The following CDH10 variants were observed in gnomAD, a reference collection of about 807,000 sequenced individuals.
CDH10 encodes cadherin 10, also known as cadherin-10.
Under a neutral mutation model 73.1 loss-of-function variants are expected in CDH10, and 30 were observed. The ratio of observed to expected loss-of-function variants is 0.41; its 90% confidence interval spans 0.31 to 0.56. The LOEUF (loss-of-function observed/expected upper bound fraction) is 0.56, where lower values mean the gene tolerates loss of function less well. CDH10 is among the 20% of genes least tolerant of loss of function. CDH10 has a pLI of 0.27. For synonymous variants in CDH10, 345 were observed against 348.2 expected, an observed-to-expected ratio of 0.99 and a Z score of 0.10; for missense variants, 815 against 973.7, an observed-to-expected ratio of 0.84 and a Z score of 2.17.
At position 24,491,651 on chromosome 5, in the gene CDH10, C is replaced by T. The variant is rs1242641853; in HGVS notation, c.1801G>A (p.Glu601Lys). Residue 601 changes from glutamate (E) to lysine (K), a missense_variant, in exon 11 of 12, where the codon GAA (glutamate) becomes AAA (lysine). Transcript: ENST00000264463. ...SQGNMQSCSA[E>K]ALLLPAGLST... ...AGGCCGGCAGGGAGGAGCAGGGCTT[C>T]AGCACTGCAGGATTGCATGTTGCCT... 6.2e-7 allele frequency: 1 copy of T among 1,612,642 alleles called. No homozygotes were observed. Among genetic ancestry groups the T allele is most frequent in the Non-Finnish European group, 8.5e-7 (1 of 1,178,820 alleles).
intron 9 of CDH10, among the ~76,000 whole-genome samples, chr5:24,494,792 T>C (rs923930295): frequency 1.3e-5 from 2 of 152,110 alleles, no homozygotes; most frequent in Non-Finnish European, 2.9e-5. Flanking sequence ...AGTTAATTTA[T>C]ACATTTTGAA....
At chr5:24,586,843 CTTTTT>C (rs1001227038) in intron 2 of CDH10, among the ~76,000 whole-genome samples, 11 of 102,776 alleles carry the variant, frequency 1.1e-4, no homozygotes, top group Non-Finnish European at 1.3e-4. Context: ...AGCCCATATT[CTTTTT>C]TTTTTTTTTT....
At chr5:24,638,071 G>C (rs1249059124) in intron 1 of CDH10, among the ~76,000 whole-genome samples, 4 of 151,624 alleles carry the variant, frequency 2.6e-5, no homozygotes, top group African/African-American at 9.7e-5. Context: ...TACTCTATAT[G>C]ATGGCAAATC....
chr5:24,555,150 T>G (rs1744721205), intron 2 of CDH10, among the ~76,000 whole-genome samples: 1 of 152,200 alleles, frequency 6.6e-6, no homozygotes, highest in African/African-American at 2.4e-5. Flanking sequence ...TACTCTTCTC[T>G]GACTTATTTC....
intron 1 of CDH10, among the ~76,000 whole-genome samples, chr5:24,623,894 T>G (rs961163066): frequency 5.3e-5 from 8 of 152,308 alleles, no homozygotes; most frequent in African/African-American, 1.4e-4. Flanking sequence ...CTCAAAACTT[T>G]TTTTTGTTTT....
At chr5:24,631,424 G>GA (rs1001698065) in intron 1 of CDH10, among the ~76,000 whole-genome samples, 14 of 151,868 alleles carry the variant, frequency 9.2e-5, no homozygotes, top group South Asian at 4.1e-4. Context: ...TAATTGTGGG[G>GA]AAAAAATCAA....
intron 2 of CDH10, among the ~76,000 whole-genome samples, chr5:24,577,388 T>C (rs141755745): frequency 1.3e-5 from 2 of 152,050 alleles, no homozygotes; most frequent in Non-Finnish European, 2.9e-5. Context: ...TAAAATATAG[T>C]TGTTCATTAA....
intron 1 of CDH10, among the ~76,000 whole-genome samples, chr5:24,594,196 A>G (rs953071386): frequency 1.3e-5 from 2 of 151,918 alleles, no homozygotes; most frequent in Non-Finnish European, 2.9e-5. Flanking sequence ...AGCCTGGGGA[A>G]CACCTAGAGT....
chr5:24,626,907 TAA>T (rs112451448), intron 1 of CDH10, among the ~76,000 whole-genome samples: 3,302 of 149,544 alleles, frequency 0.022, 112 homozygotes, highest in African/African-American at 0.077. Flanking sequence ...TGTGTATATA[TAA>T]GTGTATATAT....
chr5:24,635,016 AAC>A (rs1747823025), intron 1 of CDH10, among the ~76,000 whole-genome samples: 1 of 151,668 alleles, frequency 6.6e-6, no homozygotes, highest in Non-Finnish European at 1.5e-5. Flanking sequence ...AAAAAAAAAA[AAC>A]AGAAACAGTG....
chr5:24,557,968 C>T, intron 2 of CDH10, among the ~76,000 whole-genome samples: 1 of 151,546 alleles, frequency 6.6e-6, no homozygotes, highest in East Asian at 1.9e-4. Flanking sequence ...TCAACCACCC[C>T]CAGAATTCAA....
chr5:24,600,803 A>G (rs1364576768), intron 1 of CDH10, among the ~76,000 whole-genome samples: 1 of 152,178 alleles, frequency 6.6e-6, no homozygotes, highest in African/African-American at 2.4e-5. Flanking sequence ...TATATACATT[A>G]AGGAAATAAA....
chr5:24,495,148 G>A (rs745479143), intron 9 of CDH10, among the ~76,000 whole-genome samples: 1 of 152,062 alleles, frequency 6.6e-6, no homozygotes, highest in Non-Finnish European at 1.5e-5. Context: ...TATTTTCCCT[G>A]GCTCTTTCTA....
At chr5:24,524,424 C>T (rs538381959) in intron 5 of CDH10, among the ~76,000 whole-genome samples, 4 of 152,170 alleles carry the variant, frequency 2.6e-5, no homozygotes, top group East Asian at 1.9e-4. Context: ...ATTGTTTATG[C>T]GTACACTGAC....
intron 1 of CDH10, among the ~76,000 whole-genome samples, chr5:24,608,373 A>G (rs1561193901): frequency 6.6e-6 from 1 of 152,032 alleles, no homozygotes; most frequent in Non-Finnish European, 1.5e-5. Flanking sequence ...GCTCACTGCA[A>G]CCTCTGGCTC....
At chr5:24,560,129 G>A (rs1260307260) in intron 2 of CDH10, among the ~76,000 whole-genome samples, 4 of 152,048 alleles carry the variant, frequency 2.6e-5, no homozygotes, top group African/African-American at 7.2e-5. Context: ...CTTAAAGTGA[G>A]ATTTCTTCTT....
At chr5:24,584,475 T>A (rs113175599) in intron 2 of CDH10, among the ~76,000 whole-genome samples, 3,740 of 79,000 alleles carry the variant, frequency 0.047, 161 homozygotes, top group African/African-American at 0.084. Context: ...TGTGTGTGTG[T>A]GAGAGAGAGA....
intron 1 of CDH10, among the ~76,000 whole-genome samples, chr5:24,643,404 T>C (rs956100818): frequency 6.6e-6 from 1 of 151,888 alleles, no homozygotes; most frequent in Admixed American, 6.6e-5. Context: ...GAAGCTCTTG[T>C]AGCTACGTTT....
chr5:24,624,145 T>C (rs758382187), intron 1 of CDH10, among the ~76,000 whole-genome samples: 1 of 152,140 alleles, frequency 6.6e-6, no homozygotes, highest in Non-Finnish European at 1.5e-5. Flanking sequence ...TGTCCTGTGG[T>C]GAGAAGAAAC....
Sources: allele counts gnomAD v4.1 joint callset (sites outside exome capture counted in the v4.1 genomes callset), GRCh38; gene constraint gnomAD v4.1.1; transcripts MANE v1.5; gene names NCBI Gene and HGNC (gene_info 2026-07-23, HGNC 2026-07-21).